FBLN1: variants seen among roughly 807,000 people sequenced by gnomAD.
FBLN1 encodes fibulin-1.
Under a neutral mutation model 89.7 loss-of-function variants are expected in FBLN1, and 34 were observed. The observed-to-expected ratio is 0.38, with a 90% confidence interval of 0.29 to 0.50. FBLN1 has a LOEUF of 0.50. FBLN1 is among the 20% of genes least tolerant of loss of function. The pLI, the probability that FBLN1 is intolerant of heterozygous loss-of-function variation, is 0.92. For missense variants in FBLN1, 777 were observed against 988.1 expected, an observed-to-expected ratio of 0.79 and a Z score of 2.86; for synonymous variants, 393 against 391.3, an observed-to-expected ratio of 1.00 and a Z score of -0.05.
At chr22:45,560,880 T>G (rs1315568472) in intron 14 of FBLN1, among the ~76,000 whole-genome samples, 1 of 152,090 alleles carries the variant, frequency 6.6e-6, no homozygotes, top group Non-Finnish European at 1.5e-5. Context: ...GAATCAACAT[T>G]ATCTTGCCTG....
intron 16 of FBLN1, among the ~76,000 whole-genome samples, chr22:45,587,958 A>G (rs181963203): frequency 2.4e-4 from 37 of 151,828 alleles, no homozygotes; most frequent in African/African-American, 7.7e-4. Flanking sequence ...CATTCTCCCA[A>G]CGAGTAATGT....
chr22:45,530,214 T>C lies in FBLN1; in HGVS notation c.485-1051T>C, dbSNP rs1450269881. Among the ~76,000 whole-genome samples, 2 of 151,984 alleles carry C rather than the reference T, an allele frequency of 1.3e-5. No homozygotes were observed. The highest frequency in any genetic ancestry group is 4.8e-5 in the African/African-American group (2 of 41,360). On this transcript the variant is annotated intron_variant, in intron 4 of 16. Coordinates refer to ENST00000327858, the MANE Select transcript of FBLN1 (RefSeq NM_006486.3). This position sits in a 1 kb window ranked among gnomAD's most constrained non-coding sequence, Gnocchi z 5.4. ...TTGAAATCAGAGACGACATTTTCAC[T>C]TTAAACAAACCCAAACCATTCCTGC...
At chr22:45,582,196 A>G (rs1207536951) in intron 16 of FBLN1, among the ~76,000 whole-genome samples, 1 of 152,140 alleles carries the variant, frequency 6.6e-6, no homozygotes, top group Non-Finnish European at 1.5e-5. Context: ...GGCCTATGTT[A>G]AGCCCTGATT....
intron 14 of FBLN1, among the ~76,000 whole-genome samples, chr22:45,553,196 G>T (rs2088728400): frequency 6.6e-6 from 1 of 152,268 alleles, no homozygotes; most frequent in Admixed American, 6.5e-5. Context: ...CCTCCCAGGA[G>T]AAGGAGGGGG....
intron 16 of FBLN1, among the ~76,000 whole-genome samples, chr22:45,582,340 G>A (rs2089049540): frequency 6.6e-6 from 1 of 152,314 alleles, no homozygotes; most frequent in African/African-American, 2.4e-5. Flanking sequence ...CCCGGCCATG[G>A]GATCTTGGGT....
chr22:45,524,716 C>G (rs192742733), intron 2 of FBLN1, among the ~76,000 whole-genome samples: 155 of 152,236 alleles, frequency 1.0e-3, no homozygotes, highest in African/African-American at 3.6e-3. Flanking sequence ...AGAGGAGTGA[C>G]GCGGCCACTC....
chr22:45,552,761 G>A (rs1203486813), intron 14 of FBLN1, among the ~76,000 whole-genome samples: 2 of 152,200 alleles, frequency 1.3e-5, no homozygotes, highest in Admixed American at 1.3e-4. Context: ...ACTGGAGCAT[G>A]ACCCAGGAAG....
chr22:45,599,859 A>G (rs543647809), intron 16 of FBLN1, among the ~76,000 whole-genome samples: 103 of 152,250 alleles, frequency 6.8e-4, no homozygotes, highest in African/African-American at 2.0e-3. Flanking sequence ...GGACGTTGCA[A>G]TGAGCCGAGA....
chr22:45,522,301 G>T (rs2088262177), intron 2 of FBLN1, among the ~76,000 whole-genome samples: 2 of 152,138 alleles, frequency 1.3e-5, no homozygotes, highest in Admixed American at 1.3e-4. Flanking sequence ...CTCTTCTTTT[G>T]AAGTGGCTTT....
In FBLN1 at chr22:45,587,299, CTTT is replaced by C. The variant is rs2089095986; in HGVS notation, c.1972+10193_1972+10195del. ...GAGACGTCCTCAGCCCAGAGCCCCA[CTTT>C]TCACATCCATCCCCGCTGCCCGGCC... On this transcript the variant is annotated intron_variant, in intron 16 of 16. Coordinates refer to ENST00000327858, the MANE Select transcript of FBLN1 (RefSeq NM_006486.3). 7.0e-5 allele frequency among the ~76,000 whole-genome samples: 9 copies of C among 128,900 alleles called. 1 individual carries two copies. The highest frequency in any genetic ancestry group is 5.7e-4 in the Admixed American group (7 of 12,300). 84.6% of individuals were successfully genotyped at this position (128,900 alleles called of 152,430 possible).
Position 45,545,672 on chromosome 22 carries a change from C to T in FBLN1, c.1322-1413C>T, listed in dbSNP as rs573425654. Among the ~76,000 whole-genome samples, 2 of 152,302 alleles carry T rather than the reference C, an allele frequency of 1.3e-5. No homozygotes were observed. Among genetic ancestry groups the T allele is most frequent in the Admixed American group, 6.5e-5 (1 of 15,306 alleles). ...CTCTAGCGGGGGATGAGAGACCACACTGGACAGGTGGAGGCCAGGCCTGGT... is the reference window on the plus strand; with the variant it reads ...CTCTAGCGGGGGATGAGAGACCACATTGGACAGGTGGAGGCCAGGCCTGGT... On this transcript the variant is annotated intron_variant, in intron 11 of 16. Transcript: ENST00000327858. This position sits in a 1 kb window ranked among gnomAD's most constrained non-coding sequence, Gnocchi z 5.9.
In FBLN1 at chr22:45,545,974, C is replaced by T. The variant is rs1000339488; in HGVS notation, c.1322-1111C>T. On this transcript the variant is annotated intron_variant, in intron 11 of 16. Transcript: ENST00000327858. The surrounding 1 kb of genome is among the most constrained non-coding windows in gnomAD (Gnocchi z 5.9). ...ACCAGTATGGCCAACATCGTGAAAC[C>T]CTGTGTCTACTAAAAATACAAAAAT... 6.6e-6 allele frequency among the ~76,000 whole-genome samples: 1 copy of T among 152,062 alleles called. No homozygotes were observed. Among genetic ancestry groups the T allele is most frequent in the Admixed American group, 6.5e-5 (1 of 15,276 alleles).
rs751680330 is a variant in FBLN1, at chr22:45,531,256, C to T, written c.485-9C>T. 1 of 1,613,252 alleles carries T rather than the reference C, an allele frequency of 6.2e-7. No homozygotes were observed. Among genetic ancestry groups the T allele is most frequent in the South Asian group, 1.1e-5 (1 of 91,070 alleles). On this transcript the variant is annotated splice_polypyrimidine_tract_variant and intron_variant, in intron 4 of 16. Coordinates refer to ENST00000327858, the MANE Select transcript of FBLN1 (RefSeq NM_006486.3). This position sits in a 1 kb window ranked among gnomAD's most constrained non-coding sequence, Gnocchi z 4.9. ...GATAAATGTCTGACTTGGTCTTTTT[C>T]CCCCTTAGATAAGATCATTGAGGTT...
chr22:45,541,851 G>A (rs1377936500), intron 9 of FBLN1, among the ~76,000 whole-genome samples: 1 of 152,290 alleles, frequency 6.6e-6, no homozygotes, highest in Non-Finnish European at 1.5e-5. Flanking sequence ...CCTAGATCCC[G>A]CCAGGGAAGG....
In FBLN1 at chr22:45,583,190, G is replaced by T. The variant is rs1319581872; in HGVS notation, c.1972+6082G>T. ...AGTTGGAGCTGCACTGCCCAAGCAG[G>T]TCCTTTAGTCAGCTCTCTGTTGTCC... On this transcript the variant is annotated intron_variant, in intron 16 of 16. Transcript: ENST00000327858. The surrounding 1 kb of genome is among the most constrained non-coding windows in gnomAD (Gnocchi z 4.5). Among the ~76,000 whole-genome samples the T allele has an allele frequency of 6.6e-6, 1 of 152,190 alleles. No individual in the cohort carries two copies. Among genetic ancestry groups the T allele is most frequent in the African/African-American group, 2.4e-5 (1 of 41,454 alleles).
chr22:45,555,956 T>C (rs894287932), intron 14 of FBLN1, among the ~76,000 whole-genome samples: 8 of 152,236 alleles, frequency 5.3e-5, no homozygotes, highest in Non-Finnish European at 1.2e-4. Context: ...TCATTTTTGT[T>C]AGTACAAGTG....
At position 45,556,790 on chromosome 22, in the gene FBLN1, G is replaced by C. The variant is rs1045600640; in HGVS notation, c.1697+6175G>C. Among the ~76,000 whole-genome samples the C allele has an allele frequency of 1.3e-5, 2 of 152,128 alleles. No homozygotes were observed. The highest frequency in any genetic ancestry group is 4.8e-5 in the African/African-American group (2 of 41,438). ...TAATGGAATCCTTGTTCTGTCTCCT[G>C]GTGGCGGCGTTCCTCCCTCTGGAAC... On this transcript the variant is annotated intron_variant, in intron 14 of 16. Transcript: ENST00000327858. The surrounding 1 kb of genome is among the most constrained non-coding windows in gnomAD (Gnocchi z 4.6).
intron 2 of FBLN1, among the ~76,000 whole-genome samples, chr22:45,524,861 G>A (rs1005109437): frequency 6.6e-6 from 1 of 152,042 alleles, no homozygotes; most frequent in Non-Finnish European, 1.5e-5. Flanking sequence ...GAGGCGGGGG[G>A]ATCACCCGAG....
intron 16 of FBLN1, among the ~76,000 whole-genome samples, chr22:45,598,627 C>G (rs1257323194): frequency 1.3e-5 from 2 of 152,206 alleles, no homozygotes; most frequent in Non-Finnish European, 2.9e-5. Context: ...CACCCTCCAT[C>G]AGAGCGTGGT....
Sources: gnomAD v4.1 joint callset for allele counts (sites outside exome capture counted in the v4.1 genomes callset) on GRCh38, gnomAD v4.1.1 for gene constraint, Gnocchi (gnomAD v3.1) non-coding constraint, MANE v1.5 for transcripts, NCBI Gene and HGNC (gene_info 2026-07-23, HGNC 2026-07-21) for gene names.